Variants in TMEM132B observed in about 807,000 individuals in gnomAD.
The protein encoded by TMEM132B is transmembrane protein 132B.
TMEM132B carries 18 observed loss-of-function variants against 90.8 expected under a neutral mutation model. That is an observed-to-expected ratio of 0.20 (90% confidence interval 0.14 to 0.29). The LOEUF is 0.29. Among genes scored for constraint, TMEM132B ranks in the 10% least tolerant of loss-of-function variants. The probability of loss-of-function intolerance (pLI) is 1.00; values close to 1 mark genes in which losing one functional copy is unlikely to be tolerated. For synonymous variants in TMEM132B, 504 were observed against 523.3 expected, an observed-to-expected ratio of 0.96 and a Z score of 0.50; for missense variants, 1,096 against 1,326.8, an observed-to-expected ratio of 0.83 and a Z score of 2.70.
intron 3 of TMEM132B, among the ~76,000 whole-genome samples, chr12:125,508,035 C>G (rs1882889095): frequency 6.6e-6 from 1 of 152,150 alleles, no homozygotes; most frequent in Non-Finnish European, 1.5e-5. Flanking sequence ...AGCAGGCTTC[C>G]TGGACACATT....
intron 4 of TMEM132B, among the ~76,000 whole-genome samples, chr12:125,532,383 G>A (rs953737574): frequency 4.6e-5 from 7 of 152,124 alleles, no homozygotes; most frequent in African/African-American, 7.2e-5. Flanking sequence ...CAGCACATCC[G>A]TCAGAAAATA....
chr12:125,411,930 G>C (rs1489738929), intron 2 of TMEM132B, among the ~76,000 whole-genome samples: 2 of 152,164 alleles, frequency 1.3e-5, no homozygotes, highest in Non-Finnish European at 2.9e-5. Flanking sequence ...TGGTCAACTT[G>C]TCTCAAGTCC....
intron 1 of TMEM132B, among the ~76,000 whole-genome samples, chr12:125,217,823 C>T (rs554467067): frequency 1.3e-4 from 20 of 152,290 alleles, no homozygotes; most frequent in Middle Eastern, 3.4e-3. Flanking sequence ...TGCCTTGAAC[C>T]CAGCAATTGC....
chr12:125,420,803 C>G (rs1372801753), intron 3 of TMEM132B, among the ~76,000 whole-genome samples: 1 of 151,782 alleles, frequency 6.6e-6, no homozygotes, highest in African/African-American at 2.4e-5. Flanking sequence ...CAAACCATGT[C>G]TTTGTGAATA....
Position 125,534,509 on chromosome 12 carries a change from C to T in TMEM132B, c.1293+14884C>T, listed in dbSNP as rs556582272. On this transcript the variant is annotated intron_variant, in intron 4 of 8. Transcript: ENST00000682704. ...TCCAGCTTGGGTGACAAAGCAAGAACCTGTCTCAGATTTTCCACCCCACAA... is the reference window on the plus strand; with the variant it reads ...TCCAGCTTGGGTGACAAAGCAAGAATCTGTCTCAGATTTTCCACCCCACAA... 3.3e-3 allele frequency among the ~76,000 whole-genome samples: 506 copies of T among 152,200 alleles called. 2 individuals carry two copies. The highest frequency in any genetic ancestry group is 6.8e-3 in the Middle Eastern group (2 of 294).
intron 1 of TMEM132B, among the ~76,000 whole-genome samples, chr12:125,344,669 G>A: frequency 6.6e-6 from 1 of 152,126 alleles, no homozygotes; most frequent in East Asian, 1.9e-4. Flanking sequence ...GAAGGAGAGA[G>A]CAAGGGAGCA....
chr12:125,266,560 A>T (rs1156626933), intron 1 of TMEM132B, among the ~76,000 whole-genome samples: 1 of 152,248 alleles, frequency 6.6e-6, no homozygotes, highest in Non-Finnish European at 1.5e-5. Context: ...AGGCCTGCTC[A>T]CAGAGATCAA....
intron 1 of TMEM132B, among the ~76,000 whole-genome samples, chr12:125,306,765 C>T (rs1330142990): frequency 1.3e-5 from 2 of 152,256 alleles, no homozygotes; most frequent in African/African-American, 4.8e-5. Flanking sequence ...TGCTGCATGT[C>T]AATTGCACCA....
At position 125,658,989 on chromosome 12, in the gene TMEM132B, T is replaced by G. The variant is rs565353874; in HGVS notation, c.*4279T>G. 6.6e-6 allele frequency: 1 copy of G among 152,334 alleles called. No homozygotes were observed. The highest frequency in any genetic ancestry group is 1.5e-5 in the Non-Finnish European group (1 of 68,024). 9.4% of individuals were successfully genotyped at this position (152,334 alleles called of 1,614,324 possible). ...TTCATTTTTCAGCATAAAAGTATAT[T>G]CTAACCACAGGGTAACACATCGTTT... is the stretch of plus-strand genomic sequence containing the variant. On this transcript the variant is annotated 3_prime_UTR_variant, in exon 9 of 9. Coordinates refer to ENST00000682704, the MANE Select transcript of TMEM132B (RefSeq NM_001366854.1).
chr12:125,463,555 C>A (rs1881492295), intron 3 of TMEM132B, among the ~76,000 whole-genome samples: 1 of 152,150 alleles, frequency 6.6e-6, no homozygotes, highest in Admixed American at 6.5e-5. Flanking sequence ...CATGACCGTG[C>A]ACTTGGAGAG....
intron 4 of TMEM132B, among the ~76,000 whole-genome samples, chr12:125,568,940 G>A (rs1884725024): frequency 6.6e-6 from 1 of 152,144 alleles, no homozygotes; most frequent in Non-Finnish European, 1.5e-5. Context: ...GTATCCTTTT[G>A]CAGTGTGATT....
At chr12:125,494,679 T>G (rs1207374337) in intron 3 of TMEM132B, among the ~76,000 whole-genome samples, 2 of 109,970 alleles carry the variant, frequency 1.8e-5, no homozygotes, top group East Asian at 6.0e-4. Flanking sequence ...GTGTCCCTCC[T>G]CCCCTTCCTC....
intron 1 of TMEM132B, among the ~76,000 whole-genome samples, chr12:125,312,987 G>A (rs1876157727): frequency 6.6e-6 from 1 of 152,180 alleles, no homozygotes; most frequent in South Asian, 2.1e-4. Context: ...TTTCCTGGAA[G>A]CCTGCACATG....
chr12:125,662,287 TG>T lies in TMEM132B; in HGVS notation c.*7578del, dbSNP rs1197978828. 1 of 152,218 alleles carries T rather than the reference TG, an allele frequency of 6.6e-6. No homozygotes were observed. The highest frequency in any genetic ancestry group is 1.5e-5 in the Non-Finnish European group (1 of 68,050). 9.4% of individuals were successfully genotyped at this position (152,218 alleles called of 1,614,324 possible). ...CCTATGGTTTCAGTATGATCTGTTG[TG>T]TATGTTCCACCGTATATTTAATGTC... On this transcript the variant is annotated 3_prime_UTR_variant, in exon 9 of 9. Transcript: ENST00000682704.
intron 1 of TMEM132B, among the ~76,000 whole-genome samples, chr12:125,248,355 C>T (rs1412939680): frequency 1.3e-5 from 2 of 152,200 alleles, no homozygotes; most frequent in African/African-American, 4.8e-5. Context: ...TCTTAAAGCT[C>T]ACAACAGGCT....
rs61748706 is a variant in TMEM132B, at chr12:125,653,676, G to A, written c.2218G>A (p.Val740Met). The stretch of plus-strand genomic sequence containing the variant: ...TGTCTCATCATTGGATGAAATGGTG[G>A]TGTCTGTCCAGGCAAACCTTGAGTC... The part of the protein sequence containing the change: ...VTVSSLDEMV[V>M]SVQANLESKW... Residue 740 changes from valine (V) to methionine (M), a missense_variant, in exon 9 of 9, where the codon GTG (valine) becomes ATG (methionine). Coordinates refer to ENST00000682704, the MANE Select transcript of TMEM132B (RefSeq NM_001366854.1). 39 of 1,614,026 alleles carry A rather than the reference G, an allele frequency of 2.4e-5. No homozygotes were observed. In the African/African-American group the frequency reaches 4.3e-4, roughly 18 times the overall value.
At chr12:125,426,150 G>A (rs1880314293) in intron 3 of TMEM132B, among the ~76,000 whole-genome samples, 1 of 152,182 alleles carries the variant, frequency 6.6e-6, no homozygotes, top group African/African-American at 2.4e-5. Context: ...TCTAATAGTT[G>A]TGTAGTGGTA....
chr12:125,561,754 T>G (rs535723604), intron 4 of TMEM132B, among the ~76,000 whole-genome samples: 1 of 152,112 alleles, frequency 6.6e-6, no homozygotes, highest in Non-Finnish European at 1.5e-5. Flanking sequence ...GGTTGAAATA[T>G]TCAGTAAACC....
chr12:125,583,992 A>G lies in TMEM132B; in HGVS notation c.1435A>G (p.Lys479Glu). The G allele has an allele frequency of 6.2e-7, 1 of 1,614,138 alleles. No homozygotes were observed. Residue 479 changes from lysine (K) to glutamate (E), a missense_variant and splice_region_variant, in exon 5 of 9, where the codon AAG becomes GAG. Lys to Glu is a moderately conservative substitution (Grantham distance 56). Coordinates refer to ENST00000682704, the MANE Select transcript of TMEM132B (RefSeq NM_001366854.1). ...ECKSADEDVI[K>E]VSNNCDSIFV... is the part of the protein sequence containing the mutation. ...CAAGTCTGCCGATGAAGATGTCATT[A>G]AGGTAAGGGGGGATTTATCTACAGC...
Sources: gnomAD v4.1 joint callset for allele counts (sites outside exome capture counted in the v4.1 genomes callset) on GRCh38, gnomAD v4.1.1 for gene constraint, MANE v1.5 for transcripts, NCBI Gene and HGNC (gene_info 2026-07-23, HGNC 2026-07-21) for gene names.